GLIS3: variants seen among roughly 807,000 people sequenced by gnomAD.
The protein encoded by GLIS3 is zinc finger protein GLIS3.
GLIS3 carries 53 observed loss-of-function variants against 78.6 expected under a neutral mutation model. That is an observed-to-expected ratio of 0.67 (90% CI 0.54 to 0.85). The LOEUF (loss-of-function observed/expected upper bound fraction) is 0.85. Ranked by LOEUF, GLIS3 falls within the 40% of genes least tolerant of loss-of-function variation. The pLI, the probability that GLIS3 is intolerant of heterozygous loss-of-function variation, is 0.00. For synonymous variants in GLIS3, 684 were observed against 509.9 expected (o/e 1.34, Z -4.60); for missense variants, 1,703 against 1,231.1 (o/e 1.38, Z -5.74).
chr9:4,115,834 C>T (rs752243743), intron 4 of GLIS3, among the ~76,000 whole-genome samples: 2 of 152,076 alleles, frequency 1.3e-5, no homozygotes, highest in African/African-American at 2.4e-5. Flanking sequence ...GTCCTAGATT[C>T]GATACACTGT....
intron 7 of GLIS3, chr9:3,898,312 A>G (rs1189317744): frequency 9.8e-6 from 3 of 305,976 alleles, no homozygotes; most frequent in African/African-American, 6.5e-5. Flanking sequence ...CTTTTAAAAC[A>G]TAAAGATGAC....
rs893326633 is a variant in GLIS3 at position 3,826,496 on chromosome 9, G to C, written c.*1776C>G. ...TTAAAGTGGCTAACTCATCTCTTTTGCAGACTTTGACGTCTACGTGAAAGC... is the reference window on the plus strand; with the variant it reads ...TTAAAGTGGCTAACTCATCTCTTTTCCAGACTTTGACGTCTACGTGAAAGC... On this transcript the variant is annotated 3_prime_UTR_variant, in exon 11 of 11. Transcript: ENST00000381971. The C allele has an allele frequency of 6.6e-6, 1 of 152,168 alleles. No individual in the cohort carries two copies. The highest frequency in any genetic ancestry group is 1.5e-5 in the Non-Finnish European group (1 of 68,034). 9.4% of individuals were successfully genotyped at this position (152,168 alleles called of 1,614,324 possible). A position where few individuals can be genotyped will look rare whatever the true frequency, so the allele number is the denominator to read the frequency against.
chr9:4,152,945 G>A (rs989677722), intron 2 of GLIS3, among the ~76,000 whole-genome samples: 2 of 152,170 alleles, frequency 1.3e-5, no homozygotes, highest in Admixed American at 1.3e-4. Context: ...CTTATAGGTT[G>A]AATGCAGTGC....
intron 2 of GLIS3, among the ~76,000 whole-genome samples, chr9:4,141,211 G>C (rs1420134484): frequency 2.0e-5 from 3 of 152,308 alleles, no homozygotes; most frequent in African/African-American, 7.2e-5. Flanking sequence ...CTAGGAGGGA[G>C]ACAGAAGGAG....
At chr9:4,427,754 A>G in the GLIS3 span, among the ~76,000 whole-genome samples, 18,917 of 151,770 alleles carry the variant, frequency 0.12, 1,646 homozygotes, top group East Asian at 0.37. Flanking sequence ...AGCTACTCAG[A>G]AGGCTGAGGC....
chr9:3,903,076 T>G (rs1386181994), intron 6 of GLIS3, among the ~76,000 whole-genome samples: 1 of 152,206 alleles, frequency 6.6e-6, no homozygotes, highest in East Asian at 1.9e-4. Context: ...TCATAAAATA[T>G]CTTGGCAATT....
chr9:4,289,895 T>G (rs1828306981), intron 1 of GLIS3, among the ~76,000 whole-genome samples: 1 of 152,170 alleles, frequency 6.6e-6, no homozygotes, highest in Admixed American at 6.5e-5. Context: ...GGAAATTACT[T>G]AACCCTAAGG....
intron 2 of GLIS3, among the ~76,000 whole-genome samples, chr9:4,217,859 G>C (rs1420586331): frequency 2.0e-5 from 3 of 152,206 alleles, no homozygotes; most frequent in Admixed American, 2.0e-4. Context: ...GCATGAAATA[G>C]TATTTAATAA....
At chr9:4,131,414 G>A (rs1193846119) in intron 2 of GLIS3, among the ~76,000 whole-genome samples, 1 of 152,186 alleles carries the variant, frequency 6.6e-6, no homozygotes, top group Admixed American at 6.5e-5. Context: ...CAATTGTAAT[G>A]CCCAATTTTG....
chr9:4,183,329 A>T (rs1435305766), intron 2 of GLIS3, among the ~76,000 whole-genome samples: 1 of 152,240 alleles, frequency 6.6e-6, no homozygotes. Context: ...CATAAGCTCA[A>T]AGGTTCTGAA....
chr9:4,035,537 C>T (rs534031815), intron 4 of GLIS3, among the ~76,000 whole-genome samples: 1 of 152,076 alleles, frequency 6.6e-6, no homozygotes, highest in East Asian at 1.9e-4. Context: ...CTTTCCCTTC[C>T]CCCTGCCAGT....
chr9:4,415,993 C>G, the GLIS3 span, among the ~76,000 whole-genome samples: 2 of 150,414 alleles, frequency 1.3e-5, no homozygotes, highest in Non-Finnish European at 3.0e-5. Flanking sequence ...ATATTATATA[C>G]ATTGTTTATA....
At chr9:3,872,725 G>A (rs546929403) in intron 8 of GLIS3, among the ~76,000 whole-genome samples, 7 of 152,234 alleles carry the variant, frequency 4.6e-5, no homozygotes, top group East Asian at 1.9e-4. Flanking sequence ...ATTTGGGTGC[G>A]GACACACAGC....
intron 1 of GLIS3, among the ~76,000 whole-genome samples, chr9:4,294,315 T>C (rs1439259039): frequency 6.6e-6 from 1 of 152,092 alleles, no homozygotes; most frequent in Non-Finnish European, 1.5e-5. Context: ...TCGAGACCAG[T>C]CTGACTAACA....
intron 2 of GLIS3, among the ~76,000 whole-genome samples, chr9:4,228,216 A>AAAAAG (rs1821945675): frequency 6.7e-6 from 1 of 150,330 alleles, no homozygotes; most frequent in African/African-American, 2.4e-5. Flanking sequence ...AAAAAAAAAA[A>AAAAAG]AAGAAGAAGA....
At chr9:4,244,037 C>A (rs140118286) in intron 2 of GLIS3, among the ~76,000 whole-genome samples, 10 of 152,220 alleles carry the variant, frequency 6.6e-5, no homozygotes, top group African/African-American at 2.4e-4. Flanking sequence ...CATGCACATA[C>A]GTGCATACAA....
intron 4 of GLIS3, among the ~76,000 whole-genome samples, chr9:3,970,593 C>CTCAT (rs927392787): frequency 1.3e-5 from 2 of 152,118 alleles, no homozygotes; most frequent in African/African-American, 4.8e-5. Context: ...CAGGACAGCC[C>CTCAT]TCATAACAAA....
At chr9:4,321,045 T>C (rs1278044826) in intron 2 of GLIS3, among the ~76,000 whole-genome samples, 1 of 151,930 alleles carries the variant, frequency 6.6e-6, no homozygotes, top group African/African-American at 2.4e-5. Context: ...CCTTATTTCA[T>C]ACCTTTCCCT....
At chr9:4,015,233 G>A (rs1347734374) in intron 4 of GLIS3, among the ~76,000 whole-genome samples, 6 of 152,152 alleles carry the variant, frequency 3.9e-5, no homozygotes, top group Non-Finnish European at 8.8e-5. Context: ...GTGAGGAAGG[G>A]GGTGTTTGAG....
Sources: allele counts gnomAD v4.1 joint callset (sites outside exome capture counted in the v4.1 genomes callset), GRCh38; gene constraint gnomAD v4.1.1; transcripts MANE v1.5; gene names NCBI Gene and HGNC (gene_info 2026-07-23, HGNC 2026-07-21).